Variants in RC3H2 observed in about 807,000 individuals in gnomAD.
RC3H2 encodes roquin-2.
RC3H2 carries 31 observed loss-of-function variants against 133.3 expected under a neutral mutation model. The ratio of observed to expected loss-of-function variants is 0.23; its 90% CI spans 0.17 to 0.31. RC3H2 has a LOEUF of 0.31. Among genes scored for constraint, RC3H2 ranks in the 10% least tolerant of loss-of-function variants. RC3H2 has a pLI of 1.00. For missense variants in RC3H2, 1,175 were observed against 1,437.2 expected (o/e 0.82, Z 2.95); for synonymous variants, 517 against 502.2 (o/e 1.03, Z -0.40).
At chr9:122,895,963 A>G (rs1205697436) in intron 2 of RC3H2, among the ~76,000 whole-genome samples, 1 of 152,000 alleles carries the variant, frequency 6.6e-6, no homozygotes, top group East Asian at 1.9e-4. Flanking sequence ...AATTACAAAC[A>G]TGAATTCTAT....
intron 20 of RC3H2, 45 bp downstream of exon 20, chr9:122,851,036 T>A (rs1486233700): frequency 1.9e-6 from 3 of 1,600,500 alleles, no homozygotes; most frequent in Non-Finnish European, 2.6e-6. Context: ...TTCTCTTTAT[T>A]ATGTCCTATG....
intron 5 of RC3H2, among the ~76,000 whole-genome samples, chr9:122,881,846 G>C (rs1564308128): frequency 6.6e-6 from 1 of 152,168 alleles, no homozygotes; most frequent in South Asian, 2.1e-4. Context: ...TTTAAGCATA[G>C]AAGTGACATG....
At chr9:122,869,146 T>C (rs1442280258) in intron 9 of RC3H2, among the ~76,000 whole-genome samples, 2 of 152,132 alleles carry the variant, frequency 1.3e-5, no homozygotes, top group African/African-American at 4.8e-5. Context: ...CCTCAGGTGA[T>C]CTGCCCACTT....
In RC3H2 at chr9:122,854,280, T is replaced by C. The variant is rs1044308043; in HGVS notation, c.2901-14A>G. On this transcript the variant is annotated splice_polypyrimidine_tract_variant and intron_variant, in intron 16 of 20. Transcript: ENST00000357244. Reference sequence around the variant, plus strand: ...ATGAATCTGTCCCTTTAAAGAGAAATATGTTTATTGTAATAAAAGTGAAGT... The same window carrying C: ...ATGAATCTGTCCCTTTAAAGAGAAACATGTTTATTGTAATAAAAGTGAAGT... The C allele has an allele frequency of 3.8e-6, 6 of 1,592,628 alleles. No homozygotes were observed. The African/African-American group carries it at 4.0e-5, about 11-fold the overall frequency.
At chr9:122,883,681 G>A (rs1288243954) in intron 4 of RC3H2, among the ~76,000 whole-genome samples, 1 of 152,092 alleles carries the variant, frequency 6.6e-6, no homozygotes, top group East Asian at 1.9e-4. Flanking sequence ...GGTAAAAAAA[G>A]TCATTTATAA....
intron 9 of RC3H2, among the ~76,000 whole-genome samples, chr9:122,865,948 A>C (rs1830629667): frequency 6.6e-6 from 1 of 152,178 alleles, no homozygotes; most frequent in African/African-American, 2.4e-5. Context: ...TATTCAAAAA[A>C]ACCTTTTGAG....
chr9:122,878,265 T>C (rs556811500), intron 8 of RC3H2, among the ~76,000 whole-genome samples: 1 of 152,274 alleles, frequency 6.6e-6, no homozygotes, highest in African/African-American at 2.4e-5. Context: ...CAACCTTTTT[T>C]ATTTTTTATT....
chr9:122,855,969 AG>A, intron 13 of RC3H2, 91 bp from the exon 14 acceptor site: 1 of 953,520 alleles, frequency 1.0e-6, no homozygotes, highest in Non-Finnish European at 1.5e-6. Flanking sequence ...TAGAATTCAG[AG>A]GACTTCATAG....
intron 10 of RC3H2, among the ~76,000 whole-genome samples, chr9:122,860,434 G>C (rs200112699): frequency 7.0e-6 from 1 of 143,688 alleles, no homozygotes; most frequent in Admixed American, 7.1e-5. Flanking sequence ...TTGAGACAGG[G>C]TGTCACTCTG....
At position 122,899,088 on chromosome 9, in the gene RC3H2, G is replaced by C. The variant is rs1224997018; in HGVS notation, c.-67-1512C>G. Among the ~76,000 whole-genome samples the C allele has an allele frequency of 2.9e-4, 8 of 27,348 alleles. 1 individual carries two copies. Among genetic ancestry groups the C allele is most frequent in the Non-Finnish European group, 7.5e-4 (7 of 9,292 alleles). 17.9% of individuals were successfully genotyped at this position (27,348 alleles called of 152,430 possible). On this transcript the variant is annotated intron_variant, in intron 1 of 20. Coordinates refer to ENST00000357244, the MANE Select transcript of RC3H2 (RefSeq NM_001100588.3). ...CAAAAAAATTCTATTAGCCTTTATT[G>C]TGTTTTTTTTTTTTTTTTTTTTTTT...
chr9:122,851,012 A>C (rs1829998875), intron 20 of RC3H2, 69 bp downstream of exon 20: 3 of 1,553,756 alleles, frequency 1.9e-6, no homozygotes, highest in South Asian at 2.3e-5. Flanking sequence ...GCCAAAAATT[A>C]ATTTCGCATT....
intron 11 of RC3H2, 150 bp from the exon 12 acceptor site, chr9:122,859,252 CTTTTT>C (rs10608695): frequency 0.049 from 9,214 of 187,928 alleles, 8 homozygotes; most frequent in Middle Eastern, 0.063. Flanking sequence ...TATACCCTGG[CTTTTT>C]TTTTTTTTTT....
chr9:122,853,719 T>C (rs1830138165), intron 18 of RC3H2: 1 of 1,148,324 alleles, frequency 8.7e-7, no homozygotes. Flanking sequence ...GCCATTGCAC[T>C]CCAGGCGATA....
At chr9:122,881,702 C>A (rs976223046) in intron 5 of RC3H2, among the ~76,000 whole-genome samples, 1 of 152,084 alleles carries the variant, frequency 6.6e-6, no homozygotes, top group Non-Finnish European at 1.5e-5. Flanking sequence ...CTTTGTCACC[C>A]AGGCTGGAGT....
At chr9:122,871,477 T>G (rs187575849) in intron 9 of RC3H2, among the ~76,000 whole-genome samples, 1 of 148,368 alleles carries the variant, frequency 6.7e-6, no homozygotes, top group East Asian at 2.0e-4. Flanking sequence ...TTTTCTGTTT[T>G]TAGTAGAGAC....
rs1306795423 is a variant in RC3H2, at chr9:122,848,676, T to C, written c.*951A>G. Reference sequence around the variant, plus strand: ...TTAAATTAAAAACCCAGCAATACCATCTTGTTAGTCAGTGCAAACGCTACA... The same window carrying C: ...TTAAATTAAAAACCCAGCAATACCACCTTGTTAGTCAGTGCAAACGCTACA... On this transcript the variant is annotated 3_prime_UTR_variant, in exon 21 of 21. Transcript: ENST00000357244. 2 of 152,138 alleles carry C rather than the reference T, an allele frequency of 1.3e-5. No homozygotes were observed. Among genetic ancestry groups the C allele is most frequent in the African/African-American group, 4.8e-5 (2 of 41,424 alleles). The allele number at this position is 152,138 out of a possible 1,614,324, so 9.4% of individuals were successfully genotyped here.
In RC3H2 at chr9:122,844,776, T is replaced by G. The variant is rs1255628773; in HGVS notation, c.*4851A>C. ...AACCCTCATTGTTCCATCTCTGCCCTCCCCCCATATACAGGCCTTATAAAT... is the reference window on the plus strand; with the variant it reads ...AACCCTCATTGTTCCATCTCTGCCCGCCCCCCATATACAGGCCTTATAAAT... On this transcript the variant is annotated 3_prime_UTR_variant, in exon 21 of 21. Coordinates refer to ENST00000357244, the MANE Select transcript of RC3H2 (RefSeq NM_001100588.3). 2 of 151,958 alleles carry G rather than the reference T, an allele frequency of 1.3e-5. No individual in the cohort carries two copies. Among genetic ancestry groups the G allele is most frequent in the Non-Finnish European group, 2.9e-5 (2 of 68,012 alleles). The allele number at this position is 151,958 out of a possible 1,614,324, so 9.4% of individuals were successfully genotyped here. A position where few individuals can be genotyped will look rare whatever the true frequency, so the allele number is the denominator to read the frequency against.
At chr9:122,895,612 T>A (rs1172630599) in intron 2 of RC3H2, among the ~76,000 whole-genome samples, 1 of 152,260 alleles carries the variant, frequency 6.6e-6, no homozygotes, top group African/African-American at 2.4e-5. Flanking sequence ...CACCTTGATT[T>A]CATAGTGTGT....
chr9:122,868,892 TG>T (rs1830914923), intron 9 of RC3H2, among the ~76,000 whole-genome samples: 1 of 13,042 alleles, frequency 7.7e-5, no homozygotes, highest in Non-Finnish European at 2.2e-4. Context: ...TGTGTGTGTA[TG>T]TGTTTTTTTT....
Sources: allele counts gnomAD v4.1 joint callset (sites outside exome capture counted in the v4.1 genomes callset), GRCh38; gene constraint gnomAD v4.1.1; transcripts MANE v1.5; gene names NCBI Gene and HGNC (gene_info 2026-07-23, HGNC 2026-07-21).